Variants in GABRG3 observed in about 807,000 individuals in gnomAD.
GABRG3 encodes gamma-aminobutyric acid type A receptor subunit gamma3.
Under a neutral mutation model 48.8 loss-of-function variants are expected in GABRG3, and 25 were observed. That is an observed-to-expected ratio of 0.51 (90% CI 0.37 to 0.72). The LOEUF (loss-of-function observed/expected upper bound fraction) is 0.72. Among genes scored for constraint, GABRG3 ranks in the 30% least tolerant of loss-of-function variants. The pLI is 0.00. For missense variants in GABRG3, 394 were observed against 577.9 expected (o/e 0.68, Z 3.26); for synonymous variants, 227 against 217.6 (o/e 1.04, Z -0.38).
intron 3 of GABRG3, among the ~76,000 whole-genome samples, chr15:27,106,649 A>AT (rs1566937071): frequency 2.0e-5 from 3 of 152,052 alleles, no homozygotes; most frequent in African/African-American, 4.8e-5. Context: ...GGATCTTCAA[A>AT]AAGTCAATAC....
intron 5 of GABRG3, among the ~76,000 whole-genome samples, chr15:27,351,414 T>C (rs919635977): frequency 3.4e-5 from 5 of 148,276 alleles, no homozygotes; most frequent in African/African-American, 1.3e-4. Context: ...ATAGTGTTTG[T>C]GTGTGTGTAT....
At chr15:27,336,656 G>A (rs534790396) in intron 5 of GABRG3, among the ~76,000 whole-genome samples, 1 of 152,298 alleles carries the variant, frequency 6.6e-6, no homozygotes, top group South Asian at 2.1e-4. Context: ...GCGATTGCAA[G>A]CTTGGGCATT....
At chr15:27,390,010 A>G (rs1023039854) in intron 5 of GABRG3, among the ~76,000 whole-genome samples, 5 of 152,232 alleles carry the variant, frequency 3.3e-5, no homozygotes, top group Non-Finnish European at 7.3e-5. Context: ...AGAATTTATT[A>G]AAGAATGTTT....
chr15:27,421,135 A>G (rs1327312446), intron 5 of GABRG3, among the ~76,000 whole-genome samples: 1 of 152,224 alleles, frequency 6.6e-6, no homozygotes, highest in Admixed American at 6.5e-5. Context: ...GACCGATGAC[A>G]CATGCTGCTC....
At chr15:27,243,669 T>A (rs1485964978) in intron 3 of GABRG3, among the ~76,000 whole-genome samples, 1 of 152,222 alleles carries the variant, frequency 6.6e-6, no homozygotes, top group East Asian at 1.9e-4. Flanking sequence ...ACGTTGTTGC[T>A]CAGAGTTCTG....
intron 5 of GABRG3, among the ~76,000 whole-genome samples, chr15:27,374,115 ATT>A (rs1228643950): frequency 2.2e-5 from 3 of 137,246 alleles, no homozygotes; most frequent in African/African-American, 8.1e-5. Context: ...GTATCCTAGA[ATT>A]TTCTTTCCTT....
intron 3 of GABRG3, among the ~76,000 whole-genome samples, chr15:27,307,063 G>GTATAAACATGTTTATATATAAACATA (rs1566770045): frequency 2.4e-5 from 2 of 84,218 alleles, no homozygotes; most frequent in Non-Finnish European, 4.5e-5. Context: ...ATATAAACAT[G>GTATAAACATGTTTATATATAAACATA]TATAATATAA....
chr15:27,350,629 C>G (rs946425469), intron 5 of GABRG3, among the ~76,000 whole-genome samples: 2 of 152,016 alleles, frequency 1.3e-5, no homozygotes, highest in Admixed American at 1.3e-4. Flanking sequence ...GGGAGTCCAG[C>G]GCATCAACAC....
intron 3 of GABRG3, among the ~76,000 whole-genome samples, chr15:27,282,628 T>A (rs562747672): frequency 6.6e-6 from 1 of 152,300 alleles, no homozygotes; most frequent in Non-Finnish European, 1.5e-5. Context: ...TCCATAGAGT[T>A]CTTAACTGCT....
intron 3 of GABRG3, among the ~76,000 whole-genome samples, chr15:27,104,627 G>A (rs2140367029): frequency 6.6e-6 from 1 of 152,186 alleles, no homozygotes; most frequent in East Asian, 1.9e-4. Context: ...TGTTTTGCCT[G>A]TAACTTTTTC....
chr15:27,100,300 A>C (rs1218874217), intron 3 of GABRG3, among the ~76,000 whole-genome samples: 1 of 152,124 alleles, frequency 6.6e-6, no homozygotes, highest in East Asian at 1.9e-4. Context: ...TGGAAACCTG[A>C]ATATTCTTCT....
intron 5 of GABRG3, among the ~76,000 whole-genome samples, chr15:27,334,986 A>G (rs1213828945): frequency 6.6e-6 from 1 of 152,232 alleles, no homozygotes; most frequent in Non-Finnish European, 1.5e-5. Context: ...TGCAAACCAG[A>G]AATCTGATAA....
chr15:27,021,483 C>G (rs1895893218), intron 2 of GABRG3, among the ~76,000 whole-genome samples: 1 of 152,120 alleles, frequency 6.6e-6, no homozygotes, highest in South Asian at 2.1e-4. Flanking sequence ...GGAAATACAT[C>G]TTTTCTTCTC....
chr15:27,051,683 G>A (rs1896458246), intron 3 of GABRG3, among the ~76,000 whole-genome samples: 2 of 152,202 alleles, frequency 1.3e-5, no homozygotes, highest in South Asian at 4.1e-4. Context: ...TTTTTCCACG[G>A]ACCAGGGCTG....
At chr15:27,349,781 T>C (rs568049751) in intron 5 of GABRG3, among the ~76,000 whole-genome samples, 16 of 152,168 alleles carry the variant, frequency 1.1e-4, no homozygotes, top group Admixed American at 7.9e-4. Context: ...AGAGGCTTCA[T>C]AGAGCCTGTG....
At chr15:27,254,406 G>C (rs2140461992) in intron 3 of GABRG3, among the ~76,000 whole-genome samples, 1 of 152,260 alleles carries the variant, frequency 6.6e-6, no homozygotes, top group South Asian at 2.1e-4. Flanking sequence ...TTAGTTAAGG[G>C]AGTTGCATTT....
At chr15:27,419,414 G>C (rs1392207938) in intron 5 of GABRG3, among the ~76,000 whole-genome samples, 1 of 151,902 alleles carries the variant, frequency 6.6e-6, no homozygotes, top group Non-Finnish European at 1.5e-5. Flanking sequence ...ATAGTCTTTT[G>C]TGTTAAACTG....
chr15:27,194,114 C>CA (rs1395779496), intron 3 of GABRG3, among the ~76,000 whole-genome samples: 1 of 152,136 alleles, frequency 6.6e-6, no homozygotes, highest in Non-Finnish European at 1.5e-5. Flanking sequence ...TAAATACATA[C>CA]ATAATTAAAT....
chr15:27,306,738 TATACAATATAAACATGTTTATATATAAAC>T (rs1412223988), intron 3 of GABRG3, among the ~76,000 whole-genome samples: 1 of 118,806 alleles, frequency 8.4e-6, no homozygotes, highest in East Asian at 2.3e-4. Context: ...TATATAAACA[TATACAATATAAACATGTTTATATATAAAC>T]ATACAATATA....
Sources: gnomAD v4.1 joint callset for allele counts (sites outside exome capture counted in the v4.1 genomes callset) on GRCh38, gnomAD v4.1.1 for gene constraint, MANE v1.5 for transcripts, NCBI Gene and HGNC (gene_info 2026-07-23, HGNC 2026-07-21) for gene names.